Variants in MCPH1 observed in about 807,000 individuals in gnomAD.
The protein encoded by MCPH1 is microcephalin 1, also known as microcephalin.
A neutral mutation model predicts 84.5 loss-of-function variants in MCPH1; 104 were observed. The observed-to-expected ratio is 1.23, with a 90% CI of 1.05 to 1.45. The LOEUF (loss-of-function observed/expected upper bound fraction) is 1.45. Ranked by LOEUF, MCPH1 falls within the 40% of genes most tolerant of loss-of-function variation. The pLI, the probability that MCPH1 is intolerant of heterozygous loss-of-function variation, is 0.00. For synonymous variants in MCPH1, 514 were observed against 366.8 expected (o/e 1.40, Z -4.58); for missense variants, 1,498 against 1,005.7 (o/e 1.49, Z -6.62).
At chr8:6,442,554 G>T (rs1019037581) in intron 7 of MCPH1, among the ~76,000 whole-genome samples, 3 of 152,180 alleles carry the variant, frequency 2.0e-5, no homozygotes, top group African/African-American at 7.2e-5. Context: ...TGTAAAGATC[G>T]TCAATTGAGG....
chr8:6,513,719 C>A (rs149383060), intron 12 of MCPH1: 1 of 1,613,380 alleles, frequency 6.2e-7, no homozygotes, highest in East Asian at 2.2e-5. Context: ...AATGTTCATA[C>A]AATGAGTAAG....
intron 12 of MCPH1, among the ~76,000 whole-genome samples, chr8:6,582,461 AC>A (rs1257600642): frequency 6.6e-6 from 1 of 152,140 alleles, no homozygotes; most frequent in African/African-American, 2.4e-5. Context: ...TGCTTATTTA[AC>A]CTCAGACACA....
intron 12 of MCPH1, chr8:6,500,196 GA>G: frequency 2.2e-6 from 1 of 448,116 alleles, no homozygotes; most frequent in Admixed American, 3.5e-5. Context: ...AAACAAAAAT[GA>G]AAAAAGACTG....
intron 12 of MCPH1, among the ~76,000 whole-genome samples, chr8:6,530,726 G>A (rs734701): frequency 0.67 from 102,406 of 151,910 alleles, 34,881 homozygotes; most frequent in Non-Finnish European, 0.72. Flanking sequence ...AGACCTGGTA[G>A]TCAAGTAATT....
chr8:6,523,710 C>T (rs968124778), intron 12 of MCPH1, among the ~76,000 whole-genome samples: 10 of 152,124 alleles, frequency 6.6e-5, no homozygotes, highest in African/African-American at 2.2e-4. Flanking sequence ...CTGCCTCAGC[C>T]TCCTGAGTAG....
rs1273333666 is a variant in MCPH1, at chr8:6,552,160, T to A, written c.2214+52231T>A. Among the ~76,000 whole-genome samples, 3 of 152,226 alleles carry A rather than the reference T, an allele frequency of 2.0e-5. No individual in the cohort carries two copies. In the East Asian group the frequency reaches 5.8e-4, roughly 29 times the overall value. Reference sequence around the variant, plus strand: ...CTTGACTGCTTAACCCCAAAATGCCTGCTTAGAAGGTAGTTTGGGGCTATC... The same window carrying A: ...CTTGACTGCTTAACCCCAAAATGCCAGCTTAGAAGGTAGTTTGGGGCTATC... On this transcript the variant is annotated intron_variant, in intron 12 of 13. Transcript: ENST00000344683.
chr8:6,582,770 G>T (rs541580346), intron 12 of MCPH1, among the ~76,000 whole-genome samples: 45 of 152,052 alleles, frequency 3.0e-4, no homozygotes, highest in African/African-American at 1.0e-3. Context: ...CTACTGTTTC[G>T]CTTGGAAACT....
intron 12 of MCPH1, among the ~76,000 whole-genome samples, chr8:6,538,498 C>T (rs1039116423): frequency 2.6e-5 from 4 of 152,104 alleles, no homozygotes; most frequent in Non-Finnish European, 4.4e-5. Flanking sequence ...AGACACACAC[C>T]GCCTCCTGAC....
chr8:6,446,271 C>G (rs1430847841), intron 8 of MCPH1: 1 of 984,692 alleles, frequency 1.0e-6, no homozygotes, highest in African/African-American at 1.7e-5. Context: ...TTCCAGCAAC[C>G]AAAATTGAAG....
At chr8:6,534,506 C>G (rs2129572296) in intron 12 of MCPH1, among the ~76,000 whole-genome samples, 1 of 152,216 alleles carries the variant, frequency 6.6e-6, no homozygotes, top group African/African-American at 2.4e-5. Flanking sequence ...GTTACTCAAG[C>G]CATCCACCCG....
intron 8 of MCPH1, among the ~76,000 whole-genome samples, chr8:6,448,394 T>C (rs1424476490): frequency 2.0e-5 from 3 of 151,700 alleles, no homozygotes; most frequent in Non-Finnish European, 4.4e-5. Context: ...AGGAAGGAGG[T>C]TGGAGAGGGG....
At chr8:6,594,399 C>T (rs996893824) in intron 12 of MCPH1, among the ~76,000 whole-genome samples, 1 of 152,224 alleles carries the variant, frequency 6.6e-6, no homozygotes, top group African/African-American at 2.4e-5. Context: ...GGGTAGGACA[C>T]AGAGGGCTTC....
At chr8:6,468,294 C>T (rs1026244026) in intron 9 of MCPH1, among the ~76,000 whole-genome samples, 1 of 152,108 alleles carries the variant, frequency 6.6e-6, no homozygotes, top group Admixed American at 6.5e-5. Context: ...TGGATGTTCC[C>T]GGGTGTCACC....
chr8:6,579,117 C>T (rs1827345715), intron 12 of MCPH1, among the ~76,000 whole-genome samples: 1 of 152,204 alleles, frequency 6.6e-6, no homozygotes, highest in African/African-American at 2.4e-5. Flanking sequence ...GGGAGAACGT[C>T]TTTCATTCAC....
Position 6,480,768 on chromosome 8 carries a change from A to C in MCPH1, c.2028A>C (p.Ala676=), listed in dbSNP as rs772683433. ...VVDKLKGFSI[A]PDVCETTTHV... ...ATAAATTGAAAGGCTTTTCAATTGC[A>C]CCAGACGTCTGTGAGACCACGACTC... The change falls in exon 11 of 14, where the codon GCA becomes GCC. Residue 676 remains alanine (A), a synonymous_variant. Transcript: ENST00000344683. 1.4e-5 allele frequency: 22 copies of C among 1,614,080 alleles called. No homozygotes were observed. The highest frequency in any genetic ancestry group is 4.2e-6 in the Non-Finnish European group (5 of 1,180,032).
intron 11 of MCPH1, among the ~76,000 whole-genome samples, chr8:6,492,715 T>C (rs1203810823): frequency 7.1e-6 from 1 of 140,762 alleles, no homozygotes; most frequent in African/African-American, 2.5e-5. Context: ...ATAAATATTT[T>C]ATATTAAATT....
At chr8:6,533,239 T>A (rs947969618) in intron 12 of MCPH1, among the ~76,000 whole-genome samples, 5 of 152,206 alleles carry the variant, frequency 3.3e-5, no homozygotes, top group African/African-American at 1.2e-4. Context: ...CTGACTAATT[T>A]TAGCATTAAC....
chr8:6,450,043 T>C (rs934660592), intron 8 of MCPH1, among the ~76,000 whole-genome samples: 1 of 152,172 alleles, frequency 6.6e-6, no homozygotes, highest in African/African-American at 2.4e-5. Flanking sequence ...TGATACAGAT[T>C]TTCTTCTTTG....
rs775492524 is a variant in MCPH1 at position 6,445,051 on chromosome 8, C to T, written c.1329C>T (p.Ser443=). The T allele has an allele frequency of 8.1e-6, 13 of 1,614,092 alleles. No individual in the cohort carries two copies. In the African/African-American group the frequency reaches 1.2e-4, roughly 15 times the overall value. The change falls in exon 8 of 14, where the codon AGC becomes AGT. Residue 443 remains serine, a synonymous_variant. Transcript: ENST00000344683. ...TGCCATCAAGCCCTGCTCAGTTGAG[C>T]TGCAGAAGTCTTTCTAAGAAGGAGA... ...SQLPSSPAQL[S]CRSLSKKERT...
Sources: gnomAD v4.1 joint callset for allele counts (sites outside exome capture counted in the v4.1 genomes callset) on GRCh38, gnomAD v4.1.1 for gene constraint, MANE v1.5 for transcripts, NCBI Gene and HGNC (gene_info 2026-07-23, HGNC 2026-07-21) for gene names.